KAT8: variants seen among roughly 807,000 people sequenced by gnomAD.
The protein encoded by KAT8 is lysine acetyltransferase 8.
KAT8 carries 40 observed loss-of-function variants against 62.9 expected under a neutral mutation model. The ratio of observed to expected loss-of-function variants is 0.64; its 90% CI spans 0.49 to 0.83. The LOEUF is 0.83. Among genes scored for constraint, KAT8 ranks in the 40% least tolerant of loss-of-function variants. The pLI, the probability that KAT8 is intolerant of heterozygous loss-of-function variation, is 0.00. For missense variants in KAT8, 387 were observed against 614.8 expected (o/e 0.63, Z 3.92); for synonymous variants, 278 against 254.5 (o/e 1.09, Z -0.88).
At chr16:31,123,640 G>C (rs1010520273) in intron 3 of KAT8, 1 of 152,228 alleles carries the variant, frequency 6.6e-6, no homozygotes, top group African/African-American at 2.4e-5. Context: ...CCAAGTATCT[G>C]AGATTACAGG....
intron 3 of KAT8, chr16:31,126,699 TATTTC>T (rs1385026566): frequency 3.2e-6 from 1 of 311,478 alleles, no homozygotes; most frequent in Non-Finnish European, 6.1e-6. Context: ...GCAAATCTGT[TATTTC>T]ATTTGAGTCT....
At chr16:31,119,299 G>C (rs1423596601) in intron 1 of KAT8, among the ~76,000 whole-genome samples, 3 of 151,970 alleles carry the variant, frequency 2.0e-5, no homozygotes, top group African/African-American at 7.3e-5. Flanking sequence ...ACAGTTGTGC[G>C]CCACCACACC....
At chr16:31,127,431 T>A (rs1224115995) in intron 5 of KAT8, 78 bp downstream of exon 5, 53 of 1,490,878 alleles carry the variant, frequency 3.6e-5, no homozygotes, top group Non-Finnish European at 4.7e-5. Flanking sequence ...TGAGGGCGGC[T>A]GCGCCGGCAG....
At chr16:31,129,917 C>A (rs901617712) in intron 6 of KAT8, 100 bp from the exon 7 acceptor site, 7 of 1,334,210 alleles carry the variant, frequency 5.2e-6, no homozygotes, top group Non-Finnish European at 7.4e-6. Context: ...TCTGGCCTGG[C>A]GAGGCGCCCA....
At chr16:31,123,830 C>T (rs1175619848) in intron 3 of KAT8, 1 of 152,146 alleles carries the variant, frequency 6.6e-6, no homozygotes, top group Non-Finnish European at 1.5e-5. Context: ...TTTTAAATAG[C>T]CCTATGTGAC....
chr16:31,118,237 A>G (rs1005389930), intron 1 of KAT8: 2 of 226,408 alleles, frequency 8.8e-6, no homozygotes, highest in Non-Finnish European at 1.7e-5. Flanking sequence ...TTCTTTTTCC[A>G]TTTGTCCCTG....
chr16:31,118,860 G>A (rs1300382228), intron 1 of KAT8: 2 of 150,900 alleles, frequency 1.3e-5, no homozygotes, highest in East Asian at 3.9e-4. Flanking sequence ...TTCTAAGGTT[G>A]GTACTATTAT....
In KAT8 at chr16:31,130,982, C is replaced by G. The variant is rs1471830436; in HGVS notation, c.1312+82C>G. The G allele has an allele frequency of 1.7e-5, 27 of 1,547,672 alleles. No individual in the cohort carries two copies. The highest frequency in any genetic ancestry group is 2.3e-5 in the Non-Finnish European group (26 of 1,145,504). On this transcript the variant is annotated intron_variant, in intron 10 of 10. Coordinates refer to ENST00000219797, the MANE Select transcript of KAT8 (RefSeq NM_032188.3). ...GGTAGGAGTCAAGGCCTCCTTATTG[C>G]TGTCACATGATCCCAAACCAGTCAG... is the stretch of plus-strand genomic sequence containing the variant.
chr16:31,123,666 C>T (rs2057513900), intron 3 of KAT8: 1 of 152,050 alleles, frequency 6.6e-6, no homozygotes, highest in Admixed American at 6.6e-5. Context: ...GCCACCACAC[C>T]CAGCTATTTT....
At chr16:31,121,278 G>A (rs983814296) in intron 3 of KAT8, among the ~76,000 whole-genome samples, 3 of 151,794 alleles carry the variant, frequency 2.0e-5, no homozygotes, top group African/African-American at 7.3e-5. Context: ...CTGCCACCAC[G>A]CCCGGATAAT....
At chr16:31,131,116 C>T in intron 10 of KAT8, 79 bp from the exon 11 acceptor site, 5 of 1,584,780 alleles carry the variant, frequency 3.2e-6, no homozygotes, top group Admixed American at 1.8e-5. Flanking sequence ...TGAAACTGGC[C>T]TGAGCCCAGA....
chr16:31,123,211 A>G lies in KAT8; in HGVS notation c.462+2697A>G, dbSNP rs1017709879. On this transcript the variant is annotated intron_variant, in intron 3 of 10. Transcript: ENST00000219797. The stretch of plus-strand genomic sequence containing the variant: ...AAAAAAAATTAATTATCATTTTTTA[A>G]AAAAATTTTATTTTTATTTTTTCGA... Among the ~76,000 whole-genome samples the G allele has an allele frequency of 6.6e-5, 10 of 152,288 alleles. No homozygotes were observed. The East Asian group carries it at 1.5e-3, about 24-fold the overall frequency.
chr16:31,122,408 A>G (rs890892414), intron 3 of KAT8: 2 of 152,092 alleles, frequency 1.3e-5, no homozygotes, highest in East Asian at 3.9e-4. Context: ...TGTACTTCCT[A>G]CTGTGGTGTG....
intron 6 of KAT8, among the ~76,000 whole-genome samples, chr16:31,129,781 G>A (rs2057559549): frequency 6.6e-6 from 1 of 152,232 alleles, no homozygotes; most frequent in Non-Finnish European, 1.5e-5. Flanking sequence ...GCTCGTATTT[G>A]GCACTCAGAA....
rs1053052164 is a variant in KAT8 at position 31,117,738 on chromosome 16, G to A, written c.57G>A (p.Gly19=). ...AVAAGTSGVA[G]EGEPGPGENA... is the part of the protein sequence containing the mutation. ...CGGCGGGGACTTCAGGGGTCGCGGG[G>A]GAGGGCGAGCCCGGGCCCGGGGAGA... Residue 19 remains glycine, a synonymous_variant, in exon 1 of 11, where the codon GGG becomes GGA. Transcript: ENST00000219797. The A allele has an allele frequency of 2.2e-6, 3 of 1,379,296 alleles. No individual in the cohort carries two copies. The highest frequency in any genetic ancestry group is 1.9e-6 in the Non-Finnish European group (2 of 1,059,738). 85.4% of individuals were successfully genotyped at this position (1,379,296 alleles called of 1,614,324 possible). A position where few individuals can be genotyped will look rare whatever the true frequency, so the allele number is the denominator to read the frequency against.
intron 3 of KAT8, among the ~76,000 whole-genome samples, chr16:31,123,364 G>C (rs766669804): frequency 2.0e-4 from 30 of 152,056 alleles, no homozygotes; most frequent in Non-Finnish European, 3.2e-4. Context: ...CTACAGGCAC[G>C]CACCATCATG....
At chr16:31,122,507 A>T (rs1448912285) in intron 3 of KAT8, 1 of 152,216 alleles carries the variant, frequency 6.6e-6, no homozygotes, top group East Asian at 1.9e-4. Context: ...GAAATGTTCT[A>T]TAGCTGTACT....
intron 6 of KAT8, among the ~76,000 whole-genome samples, chr16:31,129,256 A>G: frequency 6.6e-6 from 1 of 152,204 alleles, no homozygotes; most frequent in East Asian, 1.9e-4. Context: ...GACTCGGAGA[A>G]TACGCAGGCT....
At position 31,130,206 on chromosome 16, in the gene KAT8, G is replaced by A. The variant is rs763756200; in HGVS notation, c.912+49G>A. ...TGGGGAGGGTGGGGAGGGCGAAGGT[G>A]GGCATGAACAGAGAGTGGGGCAGAG... On this transcript the variant is annotated intron_variant, in intron 7 of 10. Coordinates refer to ENST00000219797, the MANE Select transcript of KAT8 (RefSeq NM_032188.3). 3.1e-6 allele frequency: 5 copies of A among 1,612,360 alleles called. No homozygotes were observed. The Admixed American group carries it at 6.7e-5, about 21-fold the overall frequency.
Sources: gnomAD v4.1 joint callset for allele counts (sites outside exome capture counted in the v4.1 genomes callset) on GRCh38, gnomAD v4.1.1 for gene constraint, MANE v1.5 for transcripts, NCBI Gene and HGNC (gene_info 2026-07-23, HGNC 2026-07-21) for gene names.